Variants in LIN28B observed in about 807,000 individuals in gnomAD.
The protein encoded by LIN28B is protein lin-28 homolog B.
A neutral mutation model predicts 21.9 loss-of-function variants in LIN28B; 5 were observed. The ratio of observed to expected loss-of-function variants is 0.23; its 90% confidence interval spans 0.12 to 0.48. The LOEUF is 0.48. Ranked by LOEUF, LIN28B falls within the 20% of genes least tolerant of loss-of-function variation. The probability of loss-of-function intolerance (pLI) is 0.98; values close to 1 mark genes in which losing one functional copy is unlikely to be tolerated. For missense variants in LIN28B, 245 were observed against 310.5 expected (o/e 0.79, Z 1.58); for synonymous variants, 109 against 111.3 (o/e 0.98, Z 0.13).
intron 3 of LIN28B, among the ~76,000 whole-genome samples, chr6:105,054,373 C>T (rs867461465): frequency 6.6e-6 from 1 of 152,214 alleles, no homozygotes; most frequent in African/African-American, 2.4e-5. Flanking sequence ...ACCCTGGTGT[C>T]ATTCTCTGTG....
At chr6:104,959,786 C>T (rs1769691922) in intron 2 of LIN28B, among the ~76,000 whole-genome samples, 1 of 152,042 alleles carries the variant, frequency 6.6e-6, no homozygotes, top group East Asian at 1.9e-4. Flanking sequence ...CTCTTTCTTC[C>T]ACCTTTGAAC....
At chr6:104,951,330 A>G (rs1411595187) in intron 3 of LIN28B, among the ~76,000 whole-genome samples, 2 of 152,168 alleles carry the variant, frequency 1.3e-5, no homozygotes, top group East Asian at 3.8e-4. Context: ...GTGAGTAGCA[A>G]GAGGAAAGCA....
intron 2 of LIN28B, among the ~76,000 whole-genome samples, chr6:104,978,303 A>T (rs1003908862): frequency 5.9e-5 from 9 of 152,198 alleles, no homozygotes; most frequent in African/African-American, 1.9e-4. Flanking sequence ...AAAAACATTG[A>T]ACTGGATGTT....
intron 3 of LIN28B, among the ~76,000 whole-genome samples, chr6:104,951,736 A>G (rs1778223564): frequency 6.6e-6 from 1 of 152,218 alleles, no homozygotes; most frequent in South Asian, 2.1e-4. Flanking sequence ...TAGAGATTAC[A>G]TTTCAAGTTA....
chr6:105,040,541 T>C (rs1382446219), intron 3 of LIN28B, among the ~76,000 whole-genome samples: 1 of 152,040 alleles, frequency 6.6e-6, no homozygotes, highest in Non-Finnish European at 1.5e-5. Context: ...ATATACCTGA[T>C]ATTATAAATA....
At chr6:104,943,395 A>AT (rs1381167015) in intron 2 of LIN28B, among the ~76,000 whole-genome samples, 1 of 152,186 alleles carries the variant, frequency 6.6e-6, no homozygotes, top group African/African-American at 2.4e-5. Context: ...TATGAATAAC[A>AT]GTCTTCAGGT....
intron 2 of LIN28B, among the ~76,000 whole-genome samples, chr6:105,012,314 C>T (rs1005330454): frequency 4.0e-5 from 6 of 151,674 alleles, no homozygotes; most frequent in African/African-American, 7.3e-5. Flanking sequence ...CTAAAAAATA[C>T]GAAAATTAGC....
At chr6:105,009,599 A>G (rs1018590882) in intron 2 of LIN28B, among the ~76,000 whole-genome samples, 1 of 152,184 alleles carries the variant, frequency 6.6e-6, no homozygotes, top group Non-Finnish European at 1.5e-5. Context: ...TTCATTTTCT[A>G]TACTACCTGT....
chr6:104,994,519 A>G (rs975893812), intron 2 of LIN28B, among the ~76,000 whole-genome samples: 1 of 152,234 alleles, frequency 6.6e-6, no homozygotes, highest in Non-Finnish European at 1.5e-5. Flanking sequence ...AGAGAAAGCT[A>G]TAAATCGTTC....
At chr6:105,052,077 G>A (rs1394449604) in intron 3 of LIN28B, among the ~76,000 whole-genome samples, 1 of 152,110 alleles carries the variant, frequency 6.6e-6, no homozygotes, top group African/African-American at 2.4e-5. Context: ...TAAAGATCTG[G>A]GGGAAGTGAT....
At chr6:105,046,351 C>T (rs1418947751) in intron 3 of LIN28B, among the ~76,000 whole-genome samples, 5 of 152,096 alleles carry the variant, frequency 3.3e-5, no homozygotes, top group Admixed American at 2.6e-4. Flanking sequence ...TGAACTCATC[C>T]TTTTTTATAG....
At chr6:104,948,401 A>T (rs564278225) in intron 2 of LIN28B, among the ~76,000 whole-genome samples, 1 of 152,326 alleles carries the variant, frequency 6.6e-6, no homozygotes, top group South Asian at 2.1e-4. Context: ...CAGGAGGCAG[A>T]GGTTGCAGTG....
At chr6:104,990,026 T>G (rs1479201404) in intron 2 of LIN28B, among the ~76,000 whole-genome samples, 1 of 152,200 alleles carries the variant, frequency 6.6e-6, no homozygotes, top group Non-Finnish European at 1.5e-5. Context: ...TTCATTACCA[T>G]TCAGTGAAAA....
intron 2 of LIN28B, among the ~76,000 whole-genome samples, chr6:105,011,905 A>T (rs1057329043): frequency 2.7e-5 from 4 of 150,620 alleles, no homozygotes; most frequent in African/African-American, 9.8e-5. Flanking sequence ...CATGCCTGTA[A>T]TCCCAGCACT....
intron 2 of LIN28B, among the ~76,000 whole-genome samples, chr6:105,002,954 C>T (rs538489290): frequency 2.6e-5 from 4 of 152,190 alleles, no homozygotes; most frequent in Non-Finnish European, 1.5e-5. Flanking sequence ...ACCTTAAAGA[C>T]AGGAAACATG....
At chr6:105,002,360 A>G (rs941954943) in intron 2 of LIN28B, among the ~76,000 whole-genome samples, 1 of 152,110 alleles carries the variant, frequency 6.6e-6, no homozygotes, top group Non-Finnish European at 1.5e-5. Flanking sequence ...TATCTATGAT[A>G]ATTCTTTGAC....
intron 2 of LIN28B, among the ~76,000 whole-genome samples, chr6:104,967,882 A>G (rs929766017): frequency 2.0e-5 from 3 of 152,002 alleles, no homozygotes; most frequent in African/African-American, 4.8e-5. Flanking sequence ...AATTTTTTGT[A>G]GAGACAGAAT....
chr6:105,012,337 C>T (rs535506565), intron 2 of LIN28B, among the ~76,000 whole-genome samples: 29 of 151,668 alleles, frequency 1.9e-4, no homozygotes, highest in Admixed American at 1.4e-3. Context: ...GGCATGGTGG[C>T]GGGTGCCTGT....
chr6:105,043,362 A>G (rs1334278138), intron 3 of LIN28B, among the ~76,000 whole-genome samples: 2 of 138,078 alleles, frequency 1.4e-5, no homozygotes, highest in East Asian at 2.6e-4. Context: ...AAAAAAAAAA[A>G]AAAAAAAAAA....
Sources: gnomAD v4.1 joint callset for allele counts (sites outside exome capture counted in the v4.1 genomes callset) on GRCh38, gnomAD v4.1.1 for gene constraint, MANE v1.5 for transcripts, NCBI Gene and HGNC (gene_info 2026-07-23, HGNC 2026-07-21) for gene names.